Variants in MACROD2 observed in about 807,000 individuals in gnomAD.
MACROD2 encodes ADP-ribose glycohydrolase MACROD2.
MACROD2 carries 36 observed loss-of-function variants against 70.4 expected under a neutral mutation model. The ratio of observed to expected loss-of-function variants is 0.51; its 90% CI spans 0.39 to 0.68. The LOEUF (loss-of-function observed/expected upper bound fraction) is 0.68, where lower values mean the gene tolerates loss of function less well. Ranked by LOEUF, MACROD2 falls within the 30% of genes least tolerant of loss-of-function variation. The probability of loss-of-function intolerance (pLI) is 0.00; values close to 1 mark genes in which losing one functional copy is unlikely to be tolerated. For missense variants in MACROD2, 496 were observed against 538.4 expected, an observed-to-expected ratio of 0.92 and a Z score of 0.78; for synonymous variants, 172 against 178.8, an observed-to-expected ratio of 0.96 and a Z score of 0.30.
At chr20:15,594,021 A>G (rs576297290) in intron 8 of MACROD2, among the ~76,000 whole-genome samples, 13 of 152,246 alleles carry the variant, frequency 8.5e-5, no homozygotes, top group African/African-American at 2.6e-4. Flanking sequence ...CAGGACACAT[A>G]TCTATCTGTG....
intron 12 of MACROD2, among the ~76,000 whole-genome samples, chr20:15,955,884 C>T (rs2065970049): frequency 6.6e-6 from 1 of 152,026 alleles, no homozygotes; most frequent in Admixed American, 6.6e-5. Context: ...CTGATCTGTG[C>T]AGCAAACCAC....
chr20:14,673,546 G>A (rs1006543634), intron 4 of MACROD2, among the ~76,000 whole-genome samples: 26 of 152,134 alleles, frequency 1.7e-4, no homozygotes, highest in Non-Finnish European at 3.7e-4. Context: ...CATAAAATCT[G>A]AATTCATATC....
intron 5 of MACROD2, among the ~76,000 whole-genome samples, chr20:14,716,537 T>G (rs1307242051): frequency 6.6e-6 from 1 of 152,210 alleles, no homozygotes; most frequent in Non-Finnish European, 1.5e-5. Flanking sequence ...TATTTGTTTC[T>G]TTAAAATCCA....
chr20:14,266,128 G>A (rs1479915106), intron 3 of MACROD2, among the ~76,000 whole-genome samples: 1 of 152,050 alleles, frequency 6.6e-6, no homozygotes, highest in East Asian at 1.9e-4. Flanking sequence ...GTAGTTTTCA[G>A]AATATTGTTT....
At chr20:15,239,923 A>G (rs2077046619) in intron 6 of MACROD2, among the ~76,000 whole-genome samples, 1 of 152,174 alleles carries the variant, frequency 6.6e-6, no homozygotes, top group South Asian at 2.1e-4. Context: ...GGAGCATGGC[A>G]GATGGTGAGT....
At chr20:15,459,466 A>C (rs898393333) in intron 7 of MACROD2, among the ~76,000 whole-genome samples, 1 of 152,034 alleles carries the variant, frequency 6.6e-6, no homozygotes, top group East Asian at 1.9e-4. Context: ...TCCCCCCACT[A>C]TCCTTGTATA....
In MACROD2 at chr20:15,159,599, A is replaced by T. The variant is rs570590289; in HGVS notation, c.419-70341A>T. Among the ~76,000 whole-genome samples the T allele has an allele frequency of 2.0e-5, 3 of 148,320 alleles. No homozygotes were observed. In the South Asian group the frequency reaches 6.6e-4, roughly 33 times the overall value. On this transcript the variant is annotated intron_variant, in intron 5 of 17. Transcript: ENST00000684519. Reference sequence around the variant, plus strand: ...AGGAGCAGACAATCATTTATTTCACAAACTCTAATTATGTAAGGAGATTGA... The same window carrying T: ...AGGAGCAGACAATCATTTATTTCACTAACTCTAATTATGTAAGGAGATTGA...
chr20:15,392,740 C>A (rs1302529702), intron 6 of MACROD2, among the ~76,000 whole-genome samples: 1 of 151,948 alleles, frequency 6.6e-6, no homozygotes, highest in East Asian at 1.9e-4. Flanking sequence ...TCCTCCTGTA[C>A]TGTTATTTTC....
At chr20:14,226,604 A>C (rs974288178) in intron 3 of MACROD2, among the ~76,000 whole-genome samples, 4 of 152,180 alleles carry the variant, frequency 2.6e-5, no homozygotes, top group African/African-American at 9.6e-5. Flanking sequence ...CACTCGGAGC[A>C]GCCGGCCGGC....
Position 15,219,930 on chromosome 20 carries a change from A to G in MACROD2, c.419-10010A>G, listed in dbSNP as rs574788879. 1.0e-3 allele frequency among the ~76,000 whole-genome samples: 155 copies of G among 149,916 alleles called. 1 individual carries two copies. Among genetic ancestry groups the G allele is most frequent in the Non-Finnish European group, 1.7e-3 (118 of 67,572 alleles). On this transcript the variant is annotated intron_variant, in intron 5 of 17. Coordinates refer to ENST00000684519, the MANE Select transcript of MACROD2 (RefSeq NM_001351661.2). ...CAGATGAGGGAAATGACAGGTTTAG[A>G]GAATGCACTTATTTAATCATCTCCT...
At chr20:14,461,592 T>C (rs2084372528) in intron 3 of MACROD2, among the ~76,000 whole-genome samples, 1 of 151,862 alleles carries the variant, frequency 6.6e-6, no homozygotes, top group African/African-American at 2.4e-5. Context: ...TGCCATGTTG[T>C]TGTGCTGCAC....
At chr20:15,053,710 G>A (rs1409614783) in intron 5 of MACROD2, among the ~76,000 whole-genome samples, 1 of 152,196 alleles carries the variant, frequency 6.6e-6, no homozygotes, top group Non-Finnish European at 1.5e-5. Context: ...ATGGATCAAG[G>A]AGTAAGTATG....
intron 8 of MACROD2, among the ~76,000 whole-genome samples, chr20:15,822,281 A>G (rs2063946886): frequency 6.6e-6 from 1 of 152,140 alleles, no homozygotes; most frequent in African/African-American, 2.4e-5. Flanking sequence ...ACAGATCTAA[A>G]ATGTGGTGTG....
At chr20:15,292,566 A>G (rs548895158) in intron 6 of MACROD2, among the ~76,000 whole-genome samples, 1 of 152,328 alleles carries the variant, frequency 6.6e-6, no homozygotes, top group Middle Eastern at 3.4e-3. Flanking sequence ...GGAATATGTA[A>G]CAATTCAAAT....
chr20:16,001,304 A>G (rs573936957), intron 15 of MACROD2, among the ~76,000 whole-genome samples: 1 of 152,334 alleles, frequency 6.6e-6, no homozygotes, highest in African/African-American at 2.4e-5. Flanking sequence ...GATGGAAACA[A>G]TTAGGGAACT....
At chr20:15,578,462 G>T (rs2048478302) in intron 8 of MACROD2, among the ~76,000 whole-genome samples, 1 of 152,188 alleles carries the variant, frequency 6.6e-6, no homozygotes, top group African/African-American at 2.4e-5. Flanking sequence ...TAATGATGCA[G>T]TTATGGGGCC....
chr20:15,773,576 T>G (rs1311413378), intron 8 of MACROD2, among the ~76,000 whole-genome samples: 1 of 152,174 alleles, frequency 6.6e-6, no homozygotes, highest in Non-Finnish European at 1.5e-5. Flanking sequence ...GCCCAAGCCC[T>G]GTTAGCCAAG....
At chr20:14,436,360 C>G (rs1409867730) in intron 3 of MACROD2, among the ~76,000 whole-genome samples, 6 of 152,142 alleles carry the variant, frequency 3.9e-5, no homozygotes, top group Non-Finnish European at 7.4e-5. Flanking sequence ...TATCATGAAG[C>G]CGATTTCAAA....
At chr20:14,505,347 G>T (rs563898740) in intron 4 of MACROD2, among the ~76,000 whole-genome samples, 1 of 152,244 alleles carries the variant, frequency 6.6e-6, no homozygotes, top group South Asian at 2.1e-4. Context: ...TATTTAGATT[G>T]GTGCTCTTAA....
Sources: gnomAD v4.1 joint callset for allele counts (sites outside exome capture counted in the v4.1 genomes callset) on GRCh38, gnomAD v4.1.1 for gene constraint, MANE v1.5 for transcripts, NCBI Gene and HGNC (gene_info 2026-07-23, HGNC 2026-07-21) for gene names.